The following ABCC2 variants were observed in gnomAD, a reference collection of about 807,000 sequenced individuals.
ABCC2 encodes ATP-binding cassette sub-family C member 2.
In ABCC2, 157 loss-of-function variants were observed where a neutral mutation model predicts 173.4. That is an observed-to-expected ratio of 0.91 (90% CI 0.80 to 1.03). The LOEUF is 1.03. ABCC2 is among the 50% of genes least tolerant of loss of function. The probability of loss-of-function intolerance (pLI) is 0.00; values close to 1 mark genes in which losing one functional copy is unlikely to be tolerated. For missense variants in ABCC2, 1,822 were observed against 1,852.3 expected (o/e 0.98, Z 0.30); for synonymous variants, 657 against 693.5 (o/e 0.95, Z 0.83).
At chr10:99,795,409 G>A (rs1328328810) in intron 6 of ABCC2, among the ~76,000 whole-genome samples, 1 of 152,078 alleles carries the variant, frequency 6.6e-6, no homozygotes, top group Non-Finnish European at 1.5e-5. Context: ...GAACATGTGG[G>A]ATTTCTCAGC....
At position 99,814,784 on chromosome 10, in the gene ABCC2, T is replaced by TAC. The variant is rs1264188443; in HGVS notation, c.2094+1650_2094+1651dup. ...ACACATATATGTGTGTGTATGTATA[T>TAC]ACACACACACATATGTGTGTGTGTA... On this transcript the variant is annotated intron_variant, in intron 16 of 31. Coordinates refer to ENST00000647814, the MANE Select transcript of ABCC2 (RefSeq NM_000392.5). 4.8e-4 allele frequency among the ~76,000 whole-genome samples: 54 copies of TAC among 112,666 alleles called. 1 individual carries two copies. Among genetic ancestry groups the TAC allele is most frequent in the African/African-American group, 1.9e-3 (46 of 24,552 alleles). 73.9% of individuals were successfully genotyped at this position (112,666 alleles called of 152,430 possible). A position where few individuals can be genotyped will look rare whatever the true frequency, so the allele number is the denominator to read the frequency against.
At chr10:99,814,769 G>A (rs117701966) in intron 16 of ABCC2, among the ~76,000 whole-genome samples, 5,017 of 129,830 alleles carry the variant, frequency 0.039, 146 homozygotes, top group Middle Eastern at 0.1. Context: ...ACACATATAT[G>A]TGTGTGTATG....
intron 30 of ABCC2, among the ~76,000 whole-genome samples, chr10:99,848,544 G>A (rs2039049486): frequency 6.6e-6 from 1 of 152,124 alleles, no homozygotes; most frequent in African/African-American, 2.4e-5. Context: ...CTGATTCAGG[G>A]GCCAGCCACT....
Position 99,793,608 on chromosome 10 carries a change from T to C in ABCC2, c.391T>C (p.Phe131Leu), listed in dbSNP as rs1485386941. 6.2e-7 allele frequency: 1 copy of C among 1,614,050 alleles called. No individual in the cohort carries two copies. ...RQWCVQKNSW[F>L]LSLFWILSIL... ...ATGGTGTGTACAGAAAAACTCCTGG[T>C]TCCTGTCCCTATTCTGGATTCTCTC... The change falls in exon 4 of 32, where the codon TTC (phenylalanine) becomes CTC (leucine). Residue 131 changes from phenylalanine to leucine, a missense_variant. Physicochemically the swap from Phe to Leu is conservative, Grantham distance 22. Coordinates refer to ENST00000647814, the MANE Select transcript of ABCC2 (RefSeq NM_000392.5).
intron 16 of ABCC2, 33 bp from the exon 17 acceptor site, chr10:99,817,275 A>C: frequency 6.2e-7 from 1 of 1,611,686 alleles, no homozygotes; most frequent in Non-Finnish European, 8.5e-7. Flanking sequence ...CTGGAGGTGC[A>C]GCTGTAACAT....
At chr10:99,827,678 G>A (rs1050006781) in intron 19 of ABCC2, among the ~76,000 whole-genome samples, 1 of 151,536 alleles carries the variant, frequency 6.6e-6, no homozygotes, top group African/African-American at 2.4e-5. Flanking sequence ...GAAACCATGG[G>A]CAAAATTGTT....
chr10:99,835,367 A>G (rs2038804317), intron 24 of ABCC2, among the ~76,000 whole-genome samples: 1 of 152,100 alleles, frequency 6.6e-6, no homozygotes, highest in Non-Finnish European at 1.5e-5. Context: ...TGGAGGGAAC[A>G]TCTGTATGTC....
At chr10:99,814,922 G>A (rs2038376995) in intron 16 of ABCC2, among the ~76,000 whole-genome samples, 1 of 150,980 alleles carries the variant, frequency 6.6e-6, no homozygotes, top group Non-Finnish European at 1.5e-5. Flanking sequence ...TCCTGCCTCA[G>A]CCTCCCAAAT....
At chr10:99,799,496 C>T (rs1221127684) in intron 8 of ABCC2, 126 bp downstream of exon 8, 3 of 1,148,194 alleles carry the variant, frequency 2.6e-6, no homozygotes, top group African/African-American at 1.5e-5. Flanking sequence ...AATTTTCTTC[C>T]ACCTTAACCT....
chr10:99,812,648 G>A (rs2038235891), intron 15 of ABCC2, among the ~76,000 whole-genome samples: 1 of 152,196 alleles, frequency 6.6e-6, no homozygotes, highest in Admixed American at 6.5e-5. Flanking sequence ...ACATAGACCA[G>A]CAGTGTCAGG....
chr10:99,792,088 G>A (rs1467540694), intron 2 of ABCC2, 146 bp from the exon 3 acceptor site: 4 of 1,008,986 alleles, frequency 4.0e-6, no homozygotes, highest in Non-Finnish European at 4.6e-6. Context: ...CACTTGAACT[G>A]TATGTATCCA....
intron 17 of ABCC2, among the ~76,000 whole-genome samples, chr10:99,817,835 C>T (rs1203362455): frequency 6.6e-6 from 1 of 152,192 alleles, no homozygotes; most frequent in Non-Finnish European, 1.5e-5. Flanking sequence ...ACTTCTGTAT[C>T]AGTGAGGCCA....
At chr10:99,820,573 T>C (rs925653341) in intron 19 of ABCC2, among the ~76,000 whole-genome samples, 2 of 152,110 alleles carry the variant, frequency 1.3e-5, no homozygotes, top group Non-Finnish European at 2.9e-5. Flanking sequence ...CCCTGGGCTA[T>C]ATAGTGAAAC....
intron 13 of ABCC2, among the ~76,000 whole-genome samples, chr10:99,809,663 T>G (rs1219013923): frequency 2.0e-5 from 3 of 152,322 alleles, no homozygotes; most frequent in Middle Eastern, 3.4e-3. Context: ...AACACTTACC[T>G]CACCTGCCAT....
chr10:99,847,091 T>A lies in ABCC2; in HGVS notation c.4277T>A (p.Leu1426Ter), dbSNP rs1290776704. Residue 1426 changes from leucine to a stop codon, truncating the protein, a stop_gained, in exon 30 of 32, where the codon TTA (leucine) becomes TAA (stop). Transcript: ENST00000647814. LOFTEE classifies it high-confidence loss of function. ...TTTGTGGCCAGCCTGCAACTTGGGT[T>A]ATCCCACGAAGTGACAGAGGCTGGT... ...KSFVASLQLG[L>*]SHEVTEAGGN... 6.2e-7 allele frequency: 1 copy of A among 1,614,172 alleles called. No individual in the cohort carries two copies. Among genetic ancestry groups the A allele is most frequent in the Middle Eastern group, 1.6e-4 (1 of 6,062 alleles).
At chr10:99,795,795 G>A (rs1181563884) in intron 6 of ABCC2, among the ~76,000 whole-genome samples, 6 of 123,984 alleles carry the variant, frequency 4.8e-5, no homozygotes, top group Non-Finnish European at 8.5e-5. Flanking sequence ...AAGAAAGAAA[G>A]AAAGAAAGAT....
Position 99,851,979 on chromosome 10 carries a change from A to G in ABCC2, c.*348A>G. 4.7e-6 allele frequency: 1 copy of G among 212,592 alleles called. No individual in the cohort carries two copies. The highest frequency in any genetic ancestry group is 9.5e-6 in the Non-Finnish European group (1 of 105,600). 13.2% of individuals were successfully genotyped at this position (212,592 alleles called of 1,614,324 possible). ...TACCCTTTTTTACTTATGTAAATGG[A>G]CTGACTCATACTGCATACATCTTCT... is the stretch of plus-strand genomic sequence containing the variant. On this transcript the variant is annotated 3_prime_UTR_variant, in exon 32 of 32. Transcript: ENST00000647814.
At chr10:99,811,464 G>A (rs1416744631) in intron 14 of ABCC2, 72 bp from the exon 15 acceptor site, 7 of 1,467,468 alleles carry the variant, frequency 4.8e-6, no homozygotes, top group Non-Finnish European at 5.7e-6. Flanking sequence ...GGAGAAAGCG[G>A]AGAGAGACAC....
At position 99,793,888 on chromosome 10, in the gene ABCC2, A is replaced by G. The variant is rs367745423; in HGVS notation, c.469-4A>G. 6.8e-6 allele frequency: 11 copies of G among 1,611,848 alleles called. No homozygotes were observed. The African/African-American group carries it at 1.1e-4, about 16-fold the overall frequency. ...ATTTTTCCTCTTTGTTTTTTTCCTC[A>G]TAGGGTGACAATTCTAATCTAGCCT... On this transcript the variant is annotated splice_polypyrimidine_tract_variant and splice_region_variant and intron_variant, in intron 4 of 31. Coordinates refer to ENST00000647814, the MANE Select transcript of ABCC2 (RefSeq NM_000392.5).
Sources: gnomAD v4.1 joint callset for allele counts (sites outside exome capture counted in the v4.1 genomes callset) on GRCh38, gnomAD v4.1.1 for gene constraint, MANE v1.5 for transcripts, NCBI Gene and HGNC (gene_info 2026-07-23, HGNC 2026-07-21) for gene names.